The following KMT2C variants were observed in gnomAD, a reference collection of about 807,000 sequenced individuals.
The protein encoded by KMT2C is lysine methyltransferase 2C, also known as histone-lysine N-methyltransferase 2C.
In KMT2C, 88 loss-of-function variants were observed where a neutral mutation model predicts 507.9. The ratio of observed to expected loss-of-function variants is 0.17; its 90% CI spans 0.15 to 0.21. The LOEUF (loss-of-function observed/expected upper bound fraction) is 0.21, where lower values mean the gene tolerates loss of function less well. KMT2C is among the 10% of genes least tolerant of loss of function. KMT2C has a pLI of 1.00. For missense variants in KMT2C, 4,954 were observed against 5,957.8 expected (o/e 0.83, Z 5.55); for synonymous variants, 2,049 against 2,080.8 (o/e 0.98, Z 0.42).
intron 2 of KMT2C, among the ~76,000 whole-genome samples, chr7:152,340,052 T>C (rs1419912859): frequency 2.6e-5 from 4 of 151,850 alleles, no homozygotes; most frequent in African/African-American, 7.3e-5. Context: ...GGCACAATCA[T>C]AGCTCATCAG....
At chr7:152,310,392 A>G (rs1467452324) in intron 5 of KMT2C, among the ~76,000 whole-genome samples, 3 of 152,140 alleles carry the variant, frequency 2.0e-5, no homozygotes, top group Admixed American at 6.5e-5. Flanking sequence ...CCTGGCTAAC[A>G]TGGCAAAACC....
chr7:152,296,293 G>A (rs2096494965), intron 6 of KMT2C, among the ~76,000 whole-genome samples: 1 of 151,546 alleles, frequency 6.6e-6, no homozygotes, highest in Non-Finnish European at 1.5e-5. Flanking sequence ...AATTAACCGG[G>A]CGTGGTGGTG....
chr7:152,378,830 T>G (rs922892255), intron 1 of KMT2C, among the ~76,000 whole-genome samples: 8 of 151,528 alleles, frequency 5.3e-5, no homozygotes, highest in Non-Finnish European at 7.4e-5. Context: ...GTGTATTATG[T>G]CAGAAGTTCT....
chr7:152,401,172 G>A (rs113012116), intron 1 of KMT2C, among the ~76,000 whole-genome samples: 1 of 145,098 alleles, frequency 6.9e-6, no homozygotes, highest in Non-Finnish European at 1.5e-5. Flanking sequence ...TGCAACCTCC[G>A]CCTCCGGGGT....
intron 2 of KMT2C, among the ~76,000 whole-genome samples, chr7:152,341,014 G>A (rs1363743495): frequency 6.6e-6 from 1 of 151,912 alleles, no homozygotes; most frequent in Non-Finnish European, 1.5e-5. Context: ...GGAATTTTTT[G>A]CAATTAATAA....
rs62495474 is a variant in KMT2C, at chr7:152,369,702, G to A, written c.162-11027C>T. ...ATGTTTGGCCTCTCTTTGCAAACATGTGCTTCCCCTTGCACTTCTCTGCCA... is the reference window on the plus strand; with the variant it reads ...ATGTTTGGCCTCTCTTTGCAAACATATGCTTCCCCTTGCACTTCTCTGCCA... On this transcript the variant is annotated intron_variant, in intron 1 of 58. Transcript: ENST00000262189. Among the ~76,000 whole-genome samples the A allele has an allele frequency of 7.7e-3, 1,174 of 152,216 alleles. 7 individuals are homozygous for A. Among genetic ancestry groups the A allele is most frequent in the Non-Finnish European group, 0.012 (829 of 68,012 alleles).
Position 152,252,063 on chromosome 7 carries a change from T to C in KMT2C, c.1497A>G (p.Pro499=), listed in dbSNP as rs573551117. The C allele has an allele frequency of 1.2e-6, 2 of 1,611,776 alleles. No individual in the cohort carries two copies. Among genetic ancestry groups the C allele is most frequent in the Admixed American group, 1.7e-5 (1 of 59,876 alleles). Reference sequence around the variant, plus strand: ...GCTGAGTATCCAGTTCATGATCTGTTGGTTTGTCACACTCTAGGTGAACCC... The same window carrying C: ...GCTGAGTATCCAGTTCATGATCTGTCGGTTTGTCACACTCTAGGTGAACCC... ...KRWVHLECDK[P]TDHELDTQLK... The change falls in exon 11 of 59, where the codon CCA becomes CCG. Residue 499 remains proline (P), a synonymous_variant. Transcript: ENST00000262189.
chr7:152,428,492 A>T (rs1467289148), intron 1 of KMT2C, among the ~76,000 whole-genome samples: 1 of 148,506 alleles, frequency 6.7e-6, no homozygotes, highest in Admixed American at 6.7e-5. Flanking sequence ...CTAGCCGGGC[A>T]TGGTGGTGGG....
chr7:152,386,471 C>A (rs1260773987), intron 1 of KMT2C, among the ~76,000 whole-genome samples: 15 of 150,912 alleles, frequency 9.9e-5, no homozygotes, highest in Admixed American at 1.3e-4. Flanking sequence ...AAAGCGTTTC[C>A]TTTTCCTCCT....
intron 55 of KMT2C, among the ~76,000 whole-genome samples, chr7:152,143,245 C>T (rs773473705): frequency 1.5e-4 from 23 of 152,250 alleles, no homozygotes; most frequent in Non-Finnish European, 2.6e-4. Flanking sequence ...CACAGATACT[C>T]CACTCATAAT....
At chr7:152,290,600 G>T (rs1389497625) in intron 6 of KMT2C, among the ~76,000 whole-genome samples, 1 of 151,476 alleles carries the variant, frequency 6.6e-6, no homozygotes, top group African/African-American at 2.4e-5. Flanking sequence ...AAACCACTGC[G>T]CCCGGCCCAT....
At chr7:152,152,233 TG>T (rs1190222977) in intron 49 of KMT2C, among the ~76,000 whole-genome samples, 3 of 151,952 alleles carry the variant, frequency 2.0e-5, no homozygotes, top group Non-Finnish European at 4.4e-5. Context: ...TTCTCAGAGA[TG>T]GGGGGCATGA....
intron 1 of KMT2C, among the ~76,000 whole-genome samples, chr7:152,373,073 T>C (rs6966258): frequency 0.099 from 15,034 of 152,090 alleles, 1,719 homozygotes; most frequent in African/African-American, 0.28. Context: ...AGAAAATTCA[T>C]AAAGAAATCA....
intron 1 of KMT2C, among the ~76,000 whole-genome samples, chr7:152,410,252 A>G (rs1269343719): frequency 6.6e-6 from 1 of 152,250 alleles, no homozygotes; most frequent in African/African-American, 2.4e-5. Context: ...TCTACTAAAA[A>G]CACAAAAAAA....
At chr7:152,245,487 GTT>G (rs1266238976) in intron 14 of KMT2C, among the ~76,000 whole-genome samples, 1 of 151,890 alleles carries the variant, frequency 6.6e-6, no homozygotes, top group Non-Finnish European at 1.5e-5. Context: ...TATTTCACCT[GTT>G]TTTGTTTTTT....
intron 38 of KMT2C, among the ~76,000 whole-genome samples, chr7:152,175,411 T>G (rs1436056506): frequency 6.6e-6 from 1 of 152,116 alleles, no homozygotes; most frequent in East Asian, 1.9e-4. Flanking sequence ...GGTGGTTTGC[T>G]GCACCCATCA....
chr7:152,252,822 A>C, intron 9 of KMT2C, 107 bp from the exon 10 acceptor site: 4 of 790,634 alleles, frequency 5.1e-6, no homozygotes, highest in Non-Finnish European at 7.8e-6. Flanking sequence ...ATTATACATT[A>C]AGCTTTTATT....
chr7:152,150,955 T>C lies in KMT2C; in HGVS notation c.12719A>G (p.Asn4240Ser), dbSNP rs1370746859. Reference sequence around the variant, plus strand: ...TGATGAATAAAGAATAAAGCAGTTATTACTACAGAAGACAATGTCCTTCTC... The same window carrying C: ...TGATGAATAAAGAATAAAGCAGTTACTACTACAGAAGACAATGTCCTTCTC... ...RVEKDIVFCS[N>S]NCFILYSSTA... Residue 4240 changes from asparagine (N) to serine (S), a missense_variant, in exon 51 of 59, where the codon AAT becomes AGT. By Grantham distance (46) the Asn-to-Ser change is conservative. Coordinates refer to ENST00000262189, the MANE Select transcript of KMT2C (RefSeq NM_170606.3). 5 of 1,613,758 alleles carry C rather than the reference T, an allele frequency of 3.1e-6. No individual in the cohort carries two copies. The highest frequency in any genetic ancestry group is 4.2e-6 in the Non-Finnish European group (5 of 1,179,750).
chr7:152,316,313 C>T (rs926529296), intron 3 of KMT2C, among the ~76,000 whole-genome samples: 1 of 152,088 alleles, frequency 6.6e-6, no homozygotes, highest in African/African-American at 2.4e-5. Flanking sequence ...TGTAACACAG[C>T]ACACAATACT....
Sources: allele counts gnomAD v4.1 joint callset (sites outside exome capture counted in the v4.1 genomes callset), GRCh38; gene constraint gnomAD v4.1.1; transcripts MANE v1.5; gene names NCBI Gene and HGNC (gene_info 2026-07-23, HGNC 2026-07-21).